The following TEX26 variants were observed in gnomAD, a reference collection of about 807,000 sequenced individuals.
TEX26 encodes the protein testis expressed 26, also known as testis-expressed protein 26.
In TEX26, 34 loss-of-function variants were observed where a neutral mutation model predicts 35.3. That is an observed-to-expected ratio of 0.96 (90% CI 0.73 to 1.28). TEX26 has a LOEUF of 1.28. Among genes scored for constraint, TEX26 ranks in the 50% most tolerant of loss-of-function variants. TEX26 has a pLI of 0.00. For missense variants in TEX26, 371 were observed against 330.1 expected (o/e 1.12, Z -0.96); for synonymous variants, 136 against 111.8 (o/e 1.22, Z -1.36).
intron 3 of TEX26, 49 bp downstream of exon 3, chr13:30,952,874 AC>A (rs1953984275): frequency 6.7e-7 from 1 of 1,482,026 alleles, no homozygotes; most frequent in Admixed American, 2.0e-5. Context: ...TACTGTATCA[AC>A]AACTCATAAG....
intron 5 of TEX26, among the ~76,000 whole-genome samples, chr13:30,968,113 A>T (rs1217597722): frequency 6.6e-6 from 1 of 152,246 alleles, no homozygotes; most frequent in African/African-American, 2.4e-5. Context: ...CAAAAAGCAG[A>T]TTAAAAGGAG....
intron 4 of TEX26, among the ~76,000 whole-genome samples, chr13:30,958,168 T>C (rs1313150018): frequency 1.3e-5 from 2 of 152,192 alleles, no homozygotes; most frequent in Non-Finnish European, 2.9e-5. Flanking sequence ...GACTGTTTTT[T>C]TGTAGGGTAA....
At chr13:30,974,819 C>T in intron 6 of TEX26, 27 bp from the exon 7 acceptor site, 2 of 1,535,932 alleles carry the variant, frequency 1.3e-6, no homozygotes, top group Non-Finnish European at 1.7e-6. Flanking sequence ...TGAAAATTTT[C>T]ATCCTGTTTT....
intron 4 of TEX26, among the ~76,000 whole-genome samples, chr13:30,964,729 G>C (rs981165093): frequency 3.9e-5 from 6 of 152,188 alleles, no homozygotes; most frequent in Admixed American, 3.9e-4. Context: ...CTGGCACCTT[G>C]CAAGAGCCTT....
intron 2 of TEX26, 121 bp downstream of exon 2, chr13:30,939,899 A>G: frequency 1.2e-6 from 1 of 864,762 alleles, no homozygotes; most frequent in East Asian, 2.7e-5. Flanking sequence ...GCTCTTGGAT[A>G]CGGGCTACTG....
rs186854484 is a variant in TEX26 at position 30,935,947 on chromosome 13, T to A, written c.61+3171T>A. Among the ~76,000 whole-genome samples, 4 of 152,352 alleles carry A rather than the reference T, an allele frequency of 2.6e-5. No individual in the cohort carries two copies. The East Asian group carries it at 7.7e-4, about 29-fold the overall frequency. On this transcript the variant is annotated intron_variant, in intron 1 of 6. Coordinates refer to ENST00000380473, the MANE Select transcript of TEX26 (RefSeq NM_152325.3). Reference sequence around the variant, plus strand: ...TCATTACTCCAGGTCTCTGTCTCTGTCTTATAAGCACACTTGTAATTGCAT... The same window carrying A: ...TCATTACTCCAGGTCTCTGTCTCTGACTTATAAGCACACTTGTAATTGCAT...
At chr13:30,959,021 C>T (rs754409878) in intron 4 of TEX26, among the ~76,000 whole-genome samples, 3 of 152,164 alleles carry the variant, frequency 2.0e-5, no homozygotes, top group Non-Finnish European at 4.4e-5. Flanking sequence ...CCAGGGTTGC[C>T]CAGCTCAGGA....
intron 6 of TEX26, among the ~76,000 whole-genome samples, chr13:30,969,587 G>A (rs549529807): frequency 1.3e-5 from 2 of 152,098 alleles, no homozygotes; most frequent in African/African-American, 4.8e-5. Context: ...GGCATCTTAG[G>A]GGCAACAGGT....
chr13:30,968,741 C>G (rs776589431), intron 5 of TEX26, 144 bp from the exon 6 acceptor site: 8 of 710,026 alleles, frequency 1.1e-5, no homozygotes, highest in African/African-American at 3.5e-5. Context: ...TAATACAGAG[C>G]CTTAATGTCC....
At chr13:30,952,001 A>ATTTTTTTTTTTTTTTTT (rs751918742) in intron 2 of TEX26, among the ~76,000 whole-genome samples, 4 of 50,714 alleles carry the variant, frequency 7.9e-5, no homozygotes, top group African/African-American at 2.0e-4. Flanking sequence ...TTATTCTGGG[A>ATTTTTTTTTTTTTTTTT]TTTTTTTTTT....
At chr13:30,960,956 A>C (rs950954856) in intron 4 of TEX26, among the ~76,000 whole-genome samples, 1 of 152,246 alleles carries the variant, frequency 6.6e-6, no homozygotes, top group Non-Finnish European at 1.5e-5. Context: ...TATAATTAAA[A>C]ACTGTGTACA....
chr13:30,969,768 A>C (rs1440219418), intron 6 of TEX26, among the ~76,000 whole-genome samples: 13 of 152,214 alleles, frequency 8.5e-5, no homozygotes, highest in Admixed American at 8.5e-4. Context: ...TTTATATAAA[A>C]TATATTCATA....
At chr13:30,945,279 A>G (rs1451129697) in intron 2 of TEX26, among the ~76,000 whole-genome samples, 1 of 151,676 alleles carries the variant, frequency 6.6e-6, no homozygotes, top group African/African-American at 2.4e-5. Context: ...AGCTCGCTTT[A>G]GGTTTCCATT....
chr13:30,969,198 AC>A, intron 6 of TEX26, 152 bp downstream of exon 6: 1 of 682,850 alleles, frequency 1.5e-6, no homozygotes. Flanking sequence ...TGTTGTGCAA[AC>A]CTCAATCCAC....
chr13:30,943,209 C>T (rs189206983), intron 2 of TEX26, among the ~76,000 whole-genome samples: 2 of 152,132 alleles, frequency 1.3e-5, no homozygotes, highest in African/African-American at 4.8e-5. Flanking sequence ...AGATATTTCA[C>T]CTCCTCCTTG....
Position 30,974,863 on chromosome 13 carries a change from C to T in TEX26, c.826C>T (p.Arg276Cys), listed in dbSNP as rs202034582. The change falls in exon 7 of 7, where the codon CGC (arginine) becomes TGC (cysteine). Residue 276 changes from arginine (R) to cysteine (C), a missense_variant. Arg to Cys is a radical substitution (Grantham distance 180). Transcript: ENST00000380473. ...CTTTTCAGATAGACAAATTATTGAT[C>T]GCTTTATTCGTACTCACTGTGACAC... ...LSYKDRQIID[R>C]FIRTHCDTNK... The T allele has an allele frequency of 4.5e-5, 70 of 1,555,518 alleles. No individual in the cohort carries two copies. The East Asian group carries it at 1.3e-3, about 30-fold the overall frequency.
chr13:30,937,584 A>T (rs1566138417), intron 1 of TEX26, among the ~76,000 whole-genome samples: 1 of 152,216 alleles, frequency 6.6e-6, no homozygotes, highest in African/African-American at 2.4e-5. Flanking sequence ...TTTAACAAAG[A>T]ACATTGAATT....
At chr13:30,945,342 T>C (rs1455871591) in intron 2 of TEX26, among the ~76,000 whole-genome samples, 2 of 151,862 alleles carry the variant, frequency 1.3e-5, no homozygotes, top group African/African-American at 4.8e-5. Flanking sequence ...TGAATCCTTA[T>C]GTTTTAGATC....
At chr13:30,951,308 A>G (rs1337119495) in intron 2 of TEX26, among the ~76,000 whole-genome samples, 1 of 150,970 alleles carries the variant, frequency 6.6e-6, no homozygotes, top group Non-Finnish European at 1.5e-5. Flanking sequence ...GTGAGCTATG[A>G]TGGTACCACT....
Sources: gnomAD v4.1 joint callset for allele counts (sites outside exome capture counted in the v4.1 genomes callset) on GRCh38, gnomAD v4.1.1 for gene constraint, MANE v1.5 for transcripts, NCBI Gene and HGNC (gene_info 2026-07-23, HGNC 2026-07-21) for gene names.